The following MDGA2 variants were observed in gnomAD, a reference collection of about 807,000 sequenced individuals.
MDGA2 encodes MAM domain containing glycosylphosphatidylinositol anchor 2, also known as MAM domain-containing glycosylphosphatidylinositol anchor protein 2.
MDGA2 carries 40 observed loss-of-function variants against 117.8 expected under a neutral mutation model. The observed-to-expected ratio is 0.34, with a 90% CI of 0.26 to 0.44. MDGA2 has a LOEUF of 0.44. Among genes scored for constraint, MDGA2 ranks in the 20% least tolerant of loss-of-function variants. The pLI is 1.00. For missense variants in MDGA2, 1,123 were observed against 1,250.6 expected, an observed-to-expected ratio of 0.90 and a Z score of 1.54; for synonymous variants, 452 against 439.0, an observed-to-expected ratio of 1.03 and a Z score of -0.37.
At chr14:47,179,374 G>C (rs1282217271) in intron 3 of MDGA2, among the ~76,000 whole-genome samples, 1 of 151,782 alleles carries the variant, frequency 6.6e-6, no homozygotes, top group East Asian at 1.9e-4. Context: ...TTCTACTGTA[G>C]CTTAATATTT....
chr14:47,269,494 A>G (rs892179493), intron 2 of MDGA2, among the ~76,000 whole-genome samples: 2 of 152,178 alleles, frequency 1.3e-5, no homozygotes, highest in African/African-American at 4.8e-5. Flanking sequence ...AAGCAGTAGT[A>G]ATAACTCATT....
intron 8 of MDGA2, among the ~76,000 whole-genome samples, chr14:47,018,025 G>A (rs1888144677): frequency 6.6e-6 from 1 of 152,042 alleles, no homozygotes; most frequent in African/African-American, 2.4e-5. Flanking sequence ...AAGAGCACTA[G>A]TACATGCAGA....
At chr14:47,030,660 A>G (rs565869312) in intron 8 of MDGA2, among the ~76,000 whole-genome samples, 5 of 152,332 alleles carry the variant, frequency 3.3e-5, no homozygotes, top group African/African-American at 9.6e-5. Context: ...TCAAATAAAA[A>G]TGAGCCAAAT....
intron 10 of MDGA2, among the ~76,000 whole-genome samples, chr14:46,914,340 A>C (rs1883821689): frequency 6.6e-6 from 1 of 152,156 alleles, no homozygotes; most frequent in Non-Finnish European, 1.5e-5. Flanking sequence ...TTGTTAGGAC[A>C]TAAAGATTCT....
At chr14:47,170,560 A>T (rs1352496715) in intron 3 of MDGA2, among the ~76,000 whole-genome samples, 1 of 152,184 alleles carries the variant, frequency 6.6e-6, no homozygotes. Context: ...GGATTAGTCT[A>T]TTGAACCTCA....
At chr14:47,552,259 A>G (rs1297419279) in intron 1 of MDGA2, among the ~76,000 whole-genome samples, 2 of 152,292 alleles carry the variant, frequency 1.3e-5, no homozygotes, top group South Asian at 4.1e-4. Context: ...TGACTGTCGT[A>G]TGTATCCCTC....
intron 1 of MDGA2, among the ~76,000 whole-genome samples, chr14:47,472,985 G>A (rs909666338): frequency 6.6e-6 from 1 of 152,088 alleles, no homozygotes; most frequent in African/African-American, 2.4e-5. Flanking sequence ...GTATAACTGA[G>A]GGTTAGAACC....
intron 1 of MDGA2, among the ~76,000 whole-genome samples, chr14:47,390,942 T>C (rs1483208156): frequency 6.6e-6 from 1 of 152,170 alleles, no homozygotes; most frequent in Non-Finnish European, 1.5e-5. Context: ...CTCTTTTCTA[T>C]TTTTCCAACC....
intron 1 of MDGA2, among the ~76,000 whole-genome samples, chr14:47,646,833 T>G (rs1248478728): frequency 2.0e-5 from 3 of 152,186 alleles, no homozygotes. Flanking sequence ...GAATCTGTAA[T>G]TTGAAAGTGA....
intron 11 of MDGA2, among the ~76,000 whole-genome samples, chr14:46,880,742 C>T (rs973344465): frequency 1.5e-5 from 2 of 129,576 alleles, no homozygotes; most frequent in South Asian, 2.6e-4. Context: ...GTGGAGGTTG[C>T]GGTGAGCCAA....
At chr14:47,466,453 C>G (rs762065889) in intron 1 of MDGA2, among the ~76,000 whole-genome samples, 19 of 152,208 alleles carry the variant, frequency 1.2e-4, no homozygotes, top group Non-Finnish European at 2.2e-4. Context: ...TAGAGATAAG[C>G]AGATGAGAGA....
intron 5 of MDGA2, among the ~76,000 whole-genome samples, chr14:47,103,108 T>C (rs908278463): frequency 4.6e-5 from 7 of 152,146 alleles, no homozygotes; most frequent in African/African-American, 7.2e-5. Flanking sequence ...AAATACACAA[T>C]TAAGTTTCCG....
chr14:47,257,285 G>A lies in MDGA2; in HGVS notation c.421-39090C>T, dbSNP rs181796286. Reference sequence around the variant, plus strand: ...GTCCTCTCACAATGACATTTTCCTCGGTAATATTTGTGTGATCTCACCTCA... The same window carrying A: ...GTCCTCTCACAATGACATTTTCCTCAGTAATATTTGTGTGATCTCACCTCA... On this transcript the variant is annotated intron_variant, in intron 2 of 16. Coordinates refer to ENST00000399232, the MANE Select transcript of MDGA2 (RefSeq NM_001113498.3). Among the ~76,000 whole-genome samples, 14 of 152,012 alleles carry A rather than the reference G, an allele frequency of 9.2e-5. No individual in the cohort carries two copies. The East Asian group carries it at 2.3e-3, about 25-fold the overall frequency.
chr14:47,282,972 A>AT (rs1442910354), intron 2 of MDGA2, among the ~76,000 whole-genome samples: 1 of 152,070 alleles, frequency 6.6e-6, no homozygotes, highest in Non-Finnish European at 1.5e-5. Context: ...AATAACATAC[A>AT]TTTTTTAAAT....
chr14:47,523,672 C>G (rs1264691084), intron 1 of MDGA2, among the ~76,000 whole-genome samples: 1 of 152,136 alleles, frequency 6.6e-6, no homozygotes, highest in Non-Finnish European at 1.5e-5. Flanking sequence ...CAGGTGGGCT[C>G]AGTCTCCAGG....
At chr14:47,367,478 G>T (rs866523433) in intron 1 of MDGA2, among the ~76,000 whole-genome samples, 1 of 152,100 alleles carries the variant, frequency 6.6e-6, no homozygotes, top group African/African-American at 2.4e-5. Flanking sequence ...TTCCTATAAA[G>T]TAATAATAAA....
chr14:47,246,730 G>A lies in MDGA2; in HGVS notation c.421-28535C>T, dbSNP rs781776351. 6.0e-5 allele frequency among the ~76,000 whole-genome samples: 9 copies of A among 150,586 alleles called. 1 individual carries two copies. The highest frequency in any genetic ancestry group is 1.2e-4 in the Non-Finnish European group (8 of 67,548). On this transcript the variant is annotated intron_variant, in intron 2 of 16. Coordinates refer to ENST00000399232, the MANE Select transcript of MDGA2 (RefSeq NM_001113498.3). ...AAGAAGTATTTAAAGCTGTATTAAG[G>A]TTTCCAAAGGAAATAAGAAGAAAGG...
intron 15 of MDGA2, among the ~76,000 whole-genome samples, chr14:46,848,156 T>G (rs1265884807): frequency 1.3e-5 from 2 of 151,910 alleles, no homozygotes; most frequent in Non-Finnish European, 2.9e-5. Flanking sequence ...CACTTGAAAT[T>G]TACACAGATA....
At chr14:47,593,192 C>T (rs552461979) in intron 1 of MDGA2, among the ~76,000 whole-genome samples, 64 of 152,284 alleles carry the variant, frequency 4.2e-4, no homozygotes, top group African/African-American at 1.4e-3. Context: ...TACCATTTCA[C>T]GCCCGTCTGA....
Sources: gnomAD v4.1 joint callset for allele counts (sites outside exome capture counted in the v4.1 genomes callset) on GRCh38, gnomAD v4.1.1 for gene constraint, MANE v1.5 for transcripts, NCBI Gene and HGNC (gene_info 2026-07-23, HGNC 2026-07-21) for gene names.